The following NECAB2 variants were observed in gnomAD, a reference collection of about 807,000 sequenced individuals.
The protein encoded by NECAB2 is N-terminal EF-hand calcium binding protein 2, also known as N-terminal EF-hand calcium-binding protein 2.
Under a neutral mutation model 51.9 loss-of-function variants are expected in NECAB2, and 68 were observed. The observed-to-expected ratio is 1.31, with a 90% confidence interval of 1.08 to 1.60. The LOEUF (loss-of-function observed/expected upper bound fraction) is 1.60, where lower values mean the gene tolerates loss of function less well. Ranked by LOEUF, NECAB2 falls within the 40% of genes most tolerant of loss-of-function variation. The pLI, the probability that NECAB2 is intolerant of heterozygous loss-of-function variation, is 0.00. For missense variants in NECAB2, 854 were observed against 490.3 expected, an observed-to-expected ratio of 1.74 and a Z score of -7.00; for synonymous variants, 329 against 203.5, an observed-to-expected ratio of 1.62 and a Z score of -5.25.
intron 12 of NECAB2, 27 bp from the exon 13 acceptor site, chr16:84,002,290 TC>T: frequency 6.2e-7 from 1 of 1,613,364 alleles, no homozygotes; most frequent in Non-Finnish European, 8.5e-7. Context: ...TCGCACTCCT[TC>T]CCTCTAACGT....
At position 83,997,248 on chromosome 16, in the gene NECAB2, A is replaced by G; in HGVS notation, c.828A>G (p.Ser276=). The G allele has an allele frequency of 6.2e-7, 1 of 1,614,158 alleles. No homozygotes were observed. Among genetic ancestry groups the G allele is most frequent in the Non-Finnish European group, 8.5e-7 (1 of 1,180,022 alleles). ...ALWFDLQQRL[S]DEDGTNMHLQ... is the part of the protein sequence containing the mutation. ...GGTTCGACCTGCAGCAGCGCCTGTC[A>G]GATGAAGATGGCACCAACATGGTGA... is the stretch of plus-strand genomic sequence containing the variant. The change falls in exon 9 of 13, where the codon TCA becomes TCG. Residue 276 remains serine, a synonymous_variant. Transcript: ENST00000305202.
At chr16:83,967,140 G>GGATA (rs2084289870), upstream of NECAB2, among the ~76,000 whole-genome samples, 1 of 152,080 alleles carries the variant, frequency 6.6e-6, no homozygotes, top group Non-Finnish European at 1.5e-5. Flanking sequence ...CCAAAGTGTT[G>GGATA]GTATCACAGG....
chr16:83,965,822 G>T, upstream of NECAB2: 3 of 1,612,866 alleles, frequency 1.9e-6, no homozygotes, highest in Non-Finnish European at 2.5e-6. Flanking sequence ...AGTGGATCCT[G>T]ACCAGCCGCT....
At chr16:83,973,767 G>A (rs2084373384) in intron 2 of NECAB2, among the ~76,000 whole-genome samples, 1 of 152,010 alleles carries the variant, frequency 6.6e-6, no homozygotes, top group Non-Finnish European at 1.5e-5. Context: ...AGACTTGGTG[G>A]ACGTGTTTGT....
upstream of NECAB2, chr16:83,966,177 T>C (rs2084278114): frequency 1.3e-5 from 8 of 607,008 alleles, no homozygotes; most frequent in African/African-American, 5.5e-5. Flanking sequence ...CTTAGACCAG[T>C]GTCTGAGGTG....
intron 8 of NECAB2, among the ~76,000 whole-genome samples, chr16:83,995,382 T>G (rs868864221): frequency 1.3e-5 from 2 of 149,124 alleles, no homozygotes; most frequent in South Asian, 4.1e-4. Flanking sequence ...ATTCCTCCTC[T>G]GATAATCAAG....
At chr16:83,974,860 A>T (rs1250244837) in intron 2 of NECAB2, among the ~76,000 whole-genome samples, 1 of 151,326 alleles carries the variant, frequency 6.6e-6, no homozygotes, top group African/African-American at 2.4e-5. Context: ...GAATGAGAGC[A>T]GGTGTGCAGG....
At chr16:83,980,928 C>G (rs2084479219) in intron 4 of NECAB2, 64 bp downstream of exon 4, 5 of 1,611,484 alleles carry the variant, frequency 3.1e-6, no homozygotes, top group South Asian at 1.1e-5. Context: ...TGAGAAGGGC[C>G]TGAGGCAGGG....
intron 6 of NECAB2, among the ~76,000 whole-genome samples, chr16:83,993,048 G>C (rs1006273237): frequency 1.5e-4 from 23 of 152,308 alleles, no homozygotes; most frequent in African/African-American, 5.5e-4. Context: ...TGGGGATGTT[G>C]TCAGACGGGG....
At chr16:83,968,237 C>A (rs541228160), upstream of NECAB2, among the ~76,000 whole-genome samples, 1 of 151,408 alleles carries the variant, frequency 6.6e-6, no homozygotes, top group African/African-American at 2.4e-5. Flanking sequence ...GACACCCGCG[C>A]TTCGGCCTCT....
At chr16:83,989,221 C>G (rs1050429885) in intron 5 of NECAB2, among the ~76,000 whole-genome samples, 1 of 152,132 alleles carries the variant, frequency 6.6e-6, no homozygotes, top group Non-Finnish European at 1.5e-5. Flanking sequence ...TTGGTCATTG[C>G]CATTTATTCA....
intron 1 of NECAB2, 80 bp from the exon 2 acceptor site, chr16:83,972,071 A>G (rs963658044): frequency 6.9e-5 from 109 of 1,578,562 alleles, no homozygotes; most frequent in Admixed American, 5.0e-5. Flanking sequence ...GAAGAGAAGG[A>G]TCCCAGTATC....
chr16:83,978,348 C>G, intron 2 of NECAB2, 96 bp from the exon 3 acceptor site: 1 of 886,422 alleles, frequency 1.1e-6, no homozygotes. Context: ...TTCTGTCAGT[C>G]AGGCCATTGA....
At chr16:83,994,538 G>A in intron 7 of NECAB2, 71 bp from the exon 8 acceptor site, 44 of 1,599,568 alleles carry the variant, frequency 2.8e-5, no homozygotes, top group South Asian at 3.3e-5. Context: ...GGGGCTGGAT[G>A]TTTCCAGCTT....
chr16:83,980,525 C>A (rs1011529598), intron 3 of NECAB2, among the ~76,000 whole-genome samples: 4 of 152,122 alleles, frequency 2.6e-5, no homozygotes, highest in African/African-American at 7.2e-5. Flanking sequence ...TAATGGGTCC[C>A]CACTCTCTGT....
intron 5 of NECAB2, among the ~76,000 whole-genome samples, chr16:83,988,620 C>G (rs142967108): frequency 2.5e-3 from 376 of 152,298 alleles, no homozygotes; most frequent in African/African-American, 8.4e-3. Context: ...AGAACTCTCT[C>G]TAATTCAAGC....
chr16:83,999,779 T>TGGTCA (rs1004707442), intron 10 of NECAB2, among the ~76,000 whole-genome samples: 1 of 152,124 alleles, frequency 6.6e-6, no homozygotes, highest in Non-Finnish European at 1.5e-5. Context: ...CAGCCTCCTT[T>TGGTCA]GGTCAGGTCA....
In NECAB2 at chr16:83,997,135, C is replaced by G. The variant is rs555314508; in HGVS notation, c.796-81C>G. ...CGGGTCCTTGGGAGCTCCCAACAGC[C>G]CCAGGGATCCCAGAGCTCCTGGCTC... On this transcript the variant is annotated intron_variant, in intron 8 of 12. Coordinates refer to ENST00000305202, the MANE Select transcript of NECAB2 (RefSeq NM_019065.3). 57 of 1,574,862 alleles carry G rather than the reference C, an allele frequency of 3.6e-5. No homozygotes were observed. The East Asian group carries it at 1.3e-3, about 35-fold the overall frequency.
intron 2 of NECAB2, among the ~76,000 whole-genome samples, chr16:83,973,024 C>T (rs1242007828): frequency 6.6e-6 from 1 of 152,216 alleles, no homozygotes; most frequent in Non-Finnish European, 1.5e-5. Context: ...ACTTGCCCTG[C>T]CTCCTTCCCT....
Sources: gnomAD v4.1 joint callset for allele counts (sites outside exome capture counted in the v4.1 genomes callset) on GRCh38, gnomAD v4.1.1 for gene constraint, MANE v1.5 for transcripts, NCBI Gene and HGNC (gene_info 2026-07-23, HGNC 2026-07-21) for gene names.